Variants in PINX1 observed in about 807,000 individuals in gnomAD.
PINX1 encodes the protein PIN2 (TERF1) interacting telomerase inhibitor 1.
Under a neutral mutation model 25.4 loss-of-function variants are expected in PINX1, and 34 were observed. That is an observed-to-expected ratio of 1.34 (90% confidence interval 1.02 to 1.78). The LOEUF (loss-of-function observed/expected upper bound fraction) is 1.78. PINX1 is among the 40% of genes most tolerant of loss of function. PINX1 has a pLI of 0.00. For missense variants in PINX1, 592 were observed against 404.9 expected, an observed-to-expected ratio of 1.46 and a Z score of -3.97; for synonymous variants, 197 against 147.7, an observed-to-expected ratio of 1.33 and a Z score of -2.42.
In PINX1 at chr8:10,832,921, G is replaced by A. The variant is rs759147438; in HGVS notation, c.193C>T (p.Leu65=). Residue 65 remains leucine (L), a synonymous_variant, in exon 3 of 7, where the codon CTG becomes TTG. Transcript: ENST00000314787. ...TTATTGATGGTAGCTCCGAGTCCCA[G>A]GTGGTTATTTTTCACTTGAACTTTA... ...HIKVQVKNNH[L]GLGATINNED... 1.2e-6 allele frequency: 2 copies of A among 1,611,668 alleles called. No homozygotes were observed. Among genetic ancestry groups the A allele is most frequent in the South Asian group, 1.1e-5 (1 of 90,628 alleles).
intron 6 of PINX1, among the ~76,000 whole-genome samples, chr8:10,771,580 C>T (rs1801223631): frequency 6.6e-6 from 1 of 152,166 alleles, no homozygotes; most frequent in Non-Finnish European, 1.5e-5. Flanking sequence ...CCACAACCTC[C>T]CTAATGAGGA....
chr8:10,766,008 T>TGGCACCCACACCCGGCGCTCACACCC lies in PINX1; in HGVS notation c.472-118_472-93dup, dbSNP rs1338648119. On this transcript the variant is annotated intron_variant, in intron 6 of 6. Transcript: ENST00000314787. Reference sequence around the variant, plus strand: ...GGCACCCACACCCGGCGCTCACACCTGGCACCCACACCCGGCGCTCACACC... The same window carrying TGGCACCCACACCCGGCGCTCACACCC: ...GGCACCCACACCCGGCGCTCACACCTGGCACCCACACCCGGCGCTCACACCCGGCACCCACACCCGGCGCTCACACC... 9 of 1,242,706 alleles carry TGGCACCCACACCCGGCGCTCACACCC rather than the reference T, an allele frequency of 7.2e-6. No individual in the cohort carries two copies. In the African/African-American group the frequency reaches 1.1e-4, roughly 15 times the overall value. 77.0% of individuals were successfully genotyped at this position (1,242,706 alleles called of 1,614,324 possible). A position where few individuals can be genotyped will look rare whatever the true frequency, so the allele number is the denominator to read the frequency against.
chr8:10,819,880 G>C (rs895044475), intron 6 of PINX1, among the ~76,000 whole-genome samples: 5 of 152,158 alleles, frequency 3.3e-5, no homozygotes, highest in Non-Finnish European at 7.3e-5. Flanking sequence ...GGCCATGGAA[G>C]AGATATTTTC....
intron 6 of PINX1, among the ~76,000 whole-genome samples, chr8:10,774,739 T>A (rs1479004231): frequency 2.0e-5 from 3 of 152,222 alleles, no homozygotes; most frequent in Admixed American, 6.5e-5. Flanking sequence ...TTTCAATTCT[T>A]ATAAACTACA....
At chr8:10,785,516 C>T (rs1424717855) in intron 6 of PINX1, among the ~76,000 whole-genome samples, 3 of 152,182 alleles carry the variant, frequency 2.0e-5, no homozygotes, top group African/African-American at 7.2e-5. Flanking sequence ...CAGGTAGCTT[C>T]AAGCAATAGG....
intron 6 of PINX1, among the ~76,000 whole-genome samples, chr8:10,819,165 GC>G (rs1478855164): frequency 6.6e-6 from 1 of 152,224 alleles, no homozygotes; most frequent in Non-Finnish European, 1.5e-5. Context: ...GCAGACAGGG[GC>G]TAAAAGACCC....
At chr8:10,811,018 T>A (rs1194659600) in intron 6 of PINX1, among the ~76,000 whole-genome samples, 2 of 152,270 alleles carry the variant, frequency 1.3e-5, no homozygotes, top group South Asian at 4.1e-4. Context: ...CATTTTAAAC[T>A]GTGAGAGTGT....
chr8:10,783,623 G>A (rs1801660014), intron 6 of PINX1, among the ~76,000 whole-genome samples: 1 of 152,272 alleles, frequency 6.6e-6, no homozygotes, highest in Non-Finnish European at 1.5e-5. Context: ...GACTGTGAAT[G>A]TCCCAGACTT....
intron 6 of PINX1, among the ~76,000 whole-genome samples, chr8:10,814,350 G>T (rs1797628537): frequency 6.6e-6 from 1 of 152,176 alleles, no homozygotes; most frequent in South Asian, 2.1e-4. Flanking sequence ...GGATTCAGCA[G>T]GGAAACAGCG....
At chr8:10,825,039 C>G (rs935766789) in intron 5 of PINX1, among the ~76,000 whole-genome samples, 1 of 152,178 alleles carries the variant, frequency 6.6e-6, no homozygotes, top group African/African-American at 2.4e-5. Context: ...AGCGGAAGAG[C>G]CACGGCTGCT....
chr8:10,830,314 C>T (rs1798189597), intron 4 of PINX1, among the ~76,000 whole-genome samples: 1 of 152,334 alleles, frequency 6.6e-6, no homozygotes, highest in South Asian at 2.1e-4. Flanking sequence ...TCCCTTCACA[C>T]TGTTGGGCTC....
chr8:10,832,804 C>A, intron 3 of PINX1, 88 bp downstream of exon 3: 1 of 722,508 alleles, frequency 1.4e-6, no homozygotes, highest in African/African-American at 1.8e-5. Flanking sequence ...CACCAATGGT[C>A]AGAAGCAGAT....
At chr8:10,828,435 G>C (rs954907219) in intron 4 of PINX1, among the ~76,000 whole-genome samples, 1 of 152,144 alleles carries the variant, frequency 6.6e-6, no homozygotes. Flanking sequence ...CTCCATAAGA[G>C]AGCTGCTGTG....
chr8:10,832,912 C>T lies in PINX1; in HGVS notation c.202G>A (p.Gly68Arg), dbSNP rs377715499. The T allele has an allele frequency of 2.7e-5, 44 of 1,609,758 alleles. No homozygotes were observed. Among genetic ancestry groups the T allele is most frequent in the African/African-American group, 4.0e-5 (3 of 74,832 alleles). The stretch of plus-strand genomic sequence containing the variant: ...CTCACTTCATTATTGATGGTAGCTC[C>T]GAGTCCCAGGTGGTTATTTTTCACT... Reference protein sequence around the residue: ...VQVKNNHLGLGATINNEDNWI... With the variant: ...VQVKNNHLGLRATINNEDNWI... The change falls in exon 3 of 7, where the codon GGA (glycine) becomes AGA (arginine). Residue 68 changes from glycine (G) to arginine (R), a missense_variant. By Grantham distance (125) the Gly-to-Arg change is moderately radical (BLOSUM62 -2). Transcript: ENST00000314787.
In PINX1 at chr8:10,787,774, G is replaced by C. The variant is rs369134646; in HGVS notation, c.472-21858C>G. 351 of 455,414 alleles carry C rather than the reference G, an allele frequency of 7.7e-4. 3 individuals are homozygous for C. Among genetic ancestry groups the C allele is most frequent in the South Asian group, 5.3e-3 (339 of 64,282 alleles). The allele number at this position is 455,414 out of a possible 1,614,324, so 28.2% of individuals were successfully genotyped here. A position where few individuals can be genotyped will look rare whatever the true frequency, so the allele number is the denominator to read the frequency against. ...GGGAAGGTGAAATCAACAAAATTCA[G>C]GACATGGGAAATTCTGTAAGACAAG... On this transcript the variant is annotated intron_variant, in intron 6 of 6. Coordinates refer to ENST00000314787, the MANE Select transcript of PINX1 (RefSeq NM_017884.6).
intron 6 of PINX1, among the ~76,000 whole-genome samples, chr8:10,809,924 G>C (rs183814903): frequency 1.2e-4 from 18 of 152,220 alleles, no homozygotes; most frequent in Non-Finnish European, 5.9e-5. Flanking sequence ...CAGTTCTGCA[G>C]GTTGCATAGG....
chr8:10,810,426 T>G (rs574261539), intron 6 of PINX1, among the ~76,000 whole-genome samples: 2 of 152,324 alleles, frequency 1.3e-5, no homozygotes, highest in South Asian at 4.1e-4. Context: ...CTAGCTCAAC[T>G]TCCAATTCTT....
intron 3 of PINX1, among the ~76,000 whole-genome samples, chr8:10,832,121 C>A (rs189163107): frequency 1.3e-5 from 2 of 150,926 alleles, no homozygotes; most frequent in African/African-American, 4.9e-5. Context: ...AAGAACCATG[C>A]GGGACAAAAA....
intron 5 of PINX1, among the ~76,000 whole-genome samples, chr8:10,824,797 G>C (rs1433428505): frequency 6.6e-6 from 1 of 152,190 alleles, no homozygotes; most frequent in Non-Finnish European, 1.5e-5. Flanking sequence ...TTATTAATTT[G>C]CTCTGCAACA....
Sources: allele counts gnomAD v4.1 joint callset (sites outside exome capture counted in the v4.1 genomes callset), GRCh38; gene constraint gnomAD v4.1.1; transcripts MANE v1.5; gene names NCBI Gene and HGNC (gene_info 2026-07-23, HGNC 2026-07-21).